SPRN: variants seen among roughly 807,000 people sequenced by gnomAD.
The protein encoded by SPRN is hypothetical protein BC004409.
For missense variants in SPRN, 312 were observed against 241.4 expected, an observed-to-expected ratio of 1.29 and a Z score of -1.94; for synonymous variants, 182 against 123.4, an observed-to-expected ratio of 1.48 and a Z score of -3.15.
rs1489238008 is a variant in SPRN at position 133,423,397 on chromosome 10, G to C, written c.285C>G (p.Pro95=). The C allele has an allele frequency of 8.0e-6, 12 of 1,491,164 alleles. No individual in the cohort carries two copies. Among genetic ancestry groups the C allele is most frequent in the Non-Finnish European group, 1.1e-5 (12 of 1,125,358 alleles). 92.4% of individuals were successfully genotyped at this position (1,491,164 alleles called of 1,614,324 possible). A position where few individuals can be genotyped will look rare whatever the true frequency, so the allele number is the denominator to read the frequency against. ...CCTCGTCCTCCAGGCCGCGTTCCCC[G>C]GGTCCCGCGGCCCTTCTCCAGCCCG... The part of the protein sequence containing the change: ...AGSGWRRAAG[P]GERGLEDEED... The change falls in exon 2 of 2, where the codon CCC becomes CCG. Residue 95 remains proline (P), a synonymous_variant. Coordinates refer to ENST00000685335, the MANE Select transcript of SPRN (RefSeq NM_001391974.1).
rs1256416641 is a variant in SPRN, at chr10:133,423,261, C to A, written c.421G>T (p.Gly141Cys). 6.0e-6 allele frequency: 9 copies of A among 1,492,814 alleles called. No homozygotes were observed. The highest frequency in any genetic ancestry group is 8.0e-6 in the Non-Finnish European group (9 of 1,124,178). 92.5% of individuals were successfully genotyped at this position (1,492,814 alleles called of 1,614,324 possible). A position where few individuals can be genotyped will look rare whatever the true frequency, so the allele number is the denominator to read the frequency against. The change falls in exon 2 of 2, where the codon GGC (glycine) becomes TGC (cysteine). Residue 141 changes from glycine (G) to cysteine (C), a missense_variant. Coordinates refer to ENST00000685335, the MANE Select transcript of SPRN (RefSeq NM_001391974.1). ...RGPRLCLVLG[G>C]ALGALGLLRP The stretch of plus-strand genomic sequence containing the variant: ...AGCAGCCCCAGGGCTCCGAGGGCGC[C>A]GCCCAGCACGAGACAGAGACGCGGG...
rs894843983 is a variant in SPRN, at chr10:133,423,283, C to T, written c.399G>A (p.Pro133=). 3.1e-5 allele frequency: 47 copies of T among 1,516,538 alleles called. No homozygotes were observed. The highest frequency in any genetic ancestry group is 1.8e-4 in the Middle Eastern group (1 of 5,624). The allele number at this position is 1,516,538 out of a possible 1,614,324, so 93.9% of individuals were successfully genotyped here. ...CGCCGCCCAGCACGAGACAGAGACG[C>T]GGGCCGCGCGTGGGTCCAGCGCCCG... ...WTSGAGPTRG[P]RLCLVLGGAL... Residue 133 remains proline (P), a synonymous_variant, in exon 2 of 2, where the codon CCG becomes CCA. Transcript: ENST00000685335.
At position 133,423,357 on chromosome 10, in the gene SPRN, C is replaced by T. The variant is rs1850292555; in HGVS notation, c.325G>A (p.Gly109Arg). Residue 109 changes from glycine to arginine, a missense_variant, in exon 2 of 2, where the codon GGA (glycine) becomes AGA (arginine). Coordinates refer to ENST00000685335, the MANE Select transcript of SPRN (RefSeq NM_001391974.1). The stretch of plus-strand genomic sequence containing the variant: ...ATGCCGGGGCCTGTCCCGTTGCCTC[C>T]GGGCACCCCGTCCTCCTCGTCCTCC... ...GLEDEEDGVP[G>R]GNGTGPGIYS... The T allele has an allele frequency of 6.6e-6, 10 of 1,514,714 alleles. No homozygotes were observed. Among genetic ancestry groups the T allele is most frequent in the South Asian group, 3.7e-5 (3 of 81,482 alleles). 93.8% of individuals were successfully genotyped at this position (1,514,714 alleles called of 1,614,324 possible).
At position 133,422,123 on chromosome 10, in the gene SPRN, AT is replaced by A. The variant is rs1850252337; in HGVS notation, c.*1102del. On this transcript the variant is annotated 3_prime_UTR_variant, in exon 2 of 2. Transcript: ENST00000685335. ...CACTCCATGTCTCTCCTGTCCTTGG[AT>A]GTTGGGGGGCTCAGCCTCTTGCATG... 2 of 152,852 alleles carry A rather than the reference AT, an allele frequency of 1.3e-5. No individual in the cohort carries two copies. The highest frequency in any genetic ancestry group is 4.8e-5 in the African/African-American group (2 of 41,512). 9.5% of individuals were successfully genotyped at this position (152,852 alleles called of 1,614,324 possible). A position where few individuals can be genotyped will look rare whatever the true frequency, so the allele number is the denominator to read the frequency against.
chr10:133,422,891 T>A lies in SPRN; in HGVS notation c.*335A>T. 1 of 235,400 alleles carries A rather than the reference T, an allele frequency of 4.2e-6. No individual in the cohort carries two copies. Among genetic ancestry groups the A allele is most frequent in the Non-Finnish European group, 8.2e-6 (1 of 122,252 alleles). The allele number at this position is 235,400 out of a possible 1,614,324, so 14.6% of individuals were successfully genotyped here. A position where few individuals can be genotyped will look rare whatever the true frequency, so the allele number is the denominator to read the frequency against. ...GGCAGGCGAGGGGAGCCGGGGTGGC[T>A]TGGGTTCCTGGCCTTGGCACCTCCC... On this transcript the variant is annotated 3_prime_UTR_variant, in exon 2 of 2. Transcript: ENST00000685335.
At position 133,423,209 on chromosome 10, in the gene SPRN, C is replaced by G; in HGVS notation, c.*17G>C. The G allele has an allele frequency of 7.1e-7, 1 of 1,406,236 alleles. No homozygotes were observed. The highest frequency in any genetic ancestry group is 2.7e-5 in the Admixed American group (1 of 37,068). 87.1% of individuals were successfully genotyped at this position (1,406,236 alleles called of 1,614,324 possible). A position where few individuals can be genotyped will look rare whatever the true frequency, so the allele number is the denominator to read the frequency against. Reference sequence around the variant, plus strand: ...CGCGGGCCGGGGGCCAGATGTGGTCCCCGAGCCCAGCCAGGCCTAGGGCCG... The same window carrying G: ...CGCGGGCCGGGGGCCAGATGTGGTCGCCGAGCCCAGCCAGGCCTAGGGCCG... On this transcript the variant is annotated 3_prime_UTR_variant, in exon 2 of 2. Coordinates refer to ENST00000685335, the MANE Select transcript of SPRN (RefSeq NM_001391974.1).
Position 133,421,856 on chromosome 10 carries a change from C to G in SPRN, c.*1370G>C, listed in dbSNP as rs769337866. Reference sequence around the variant, plus strand: ...AGGAGGGATGCAGTCCGGCTGAGGGCGAGGCTGTCCCCAGGACATGGAGAG... The same window carrying G: ...AGGAGGGATGCAGTCCGGCTGAGGGGGAGGCTGTCCCCAGGACATGGAGAG... On this transcript the variant is annotated 3_prime_UTR_variant, in exon 2 of 2. Transcript: ENST00000685335. The G allele has an allele frequency of 6.8e-6, 1 of 147,050 alleles. No individual in the cohort carries two copies. The highest frequency in any genetic ancestry group is 2.2e-4 in the South Asian group (1 of 4,618). 9.1% of individuals were successfully genotyped at this position (147,050 alleles called of 1,614,324 possible). A position where few individuals can be genotyped will look rare whatever the true frequency, so the allele number is the denominator to read the frequency against.
rs755063899 is a variant in SPRN, at chr10:133,423,689, G to T, written c.-8C>A. ...TGCGGGTGCCCAGTTCATCTTCGTG[G>T]GGCTAAACCTGCGGGAAGAGAGGGA... is the stretch of plus-strand genomic sequence containing the variant. On this transcript the variant is annotated 5_prime_UTR_variant, in exon 2 of 2. Transcript: ENST00000685335. 1 of 1,569,620 alleles carries T rather than the reference G, an allele frequency of 6.4e-7. No individual in the cohort carries two copies. The highest frequency in any genetic ancestry group is 8.6e-7 in the Non-Finnish European group (1 of 1,158,074).
rs116815690 is a variant in SPRN at position 133,422,276 on chromosome 10, C to G, written c.*950G>C. 2.6e-5 allele frequency: 4 copies of G among 152,478 alleles called. No homozygotes were observed. The highest frequency in any genetic ancestry group is 4.1e-4 in the South Asian group (2 of 4,832). The allele number at this position is 152,478 out of a possible 1,614,324, so 9.4% of individuals were successfully genotyped here. A position where few individuals can be genotyped will look rare whatever the true frequency, so the allele number is the denominator to read the frequency against. On this transcript the variant is annotated 3_prime_UTR_variant, in exon 2 of 2. Coordinates refer to ENST00000685335, the MANE Select transcript of SPRN (RefSeq NM_001391974.1). ...CCACGCGGATACCCAGGCCCTGTTC[C>G]GAGGCCTGGAACAGCTGCTTCCGAA...
At position 133,420,707 on chromosome 10, in the gene SPRN, G is replaced by A. The variant is rs1435254576; in HGVS notation, c.*2519C>T. On this transcript the variant is annotated 3_prime_UTR_variant, in exon 2 of 2. Coordinates refer to ENST00000685335, the MANE Select transcript of SPRN (RefSeq NM_001391974.1). ...TATTTCACACTTACAGGCACACACA[G>A]ACACAGACCAGAGACTCCCAGCAGC... 1 of 152,824 alleles carries A rather than the reference G, an allele frequency of 6.5e-6. No homozygotes were observed. The highest frequency in any genetic ancestry group is 1.9e-4 in the East Asian group (1 of 5,208). The allele number at this position is 152,824 out of a possible 1,614,324, so 9.5% of individuals were successfully genotyped here. A position where few individuals can be genotyped will look rare whatever the true frequency, so the allele number is the denominator to read the frequency against.
rs1850300074 is a variant in SPRN at position 133,423,526 on chromosome 10, C to T, written c.156G>A (p.Arg52=). The change falls in exon 2 of 2, where the codon AGG becomes AGA. Residue 52 remains arginine, a synonymous_variant. Transcript: ENST00000685335. ...GARGASRVRV[R]PAQRYGAPGS... is the part of the protein sequence containing the mutation. ...CCGGGGCACCGTAGCGCTGCGCCGG[C>T]CTCACGCGCACCCTCGAGGCCCCGC... 1 of 1,201,030 alleles carries T rather than the reference C, an allele frequency of 8.3e-7. No individual in the cohort carries two copies. Among genetic ancestry groups the T allele is most frequent in the Non-Finnish European group, 1.0e-6 (1 of 970,066 alleles). The allele number at this position is 1,201,030 out of a possible 1,614,324, so 74.4% of individuals were successfully genotyped here. A position where few individuals can be genotyped will look rare whatever the true frequency, so the allele number is the denominator to read the frequency against.
chr10:133,423,490 C>T lies in SPRN; in HGVS notation c.192G>A (p.Leu64=), dbSNP rs1850298766. The T allele has an allele frequency of 1.7e-6, 2 of 1,162,966 alleles. No individual in the cohort carries two copies. The highest frequency in any genetic ancestry group is 2.1e-6 in the Non-Finnish European group (2 of 948,024). 72.0% of individuals were successfully genotyped at this position (1,162,966 alleles called of 1,614,324 possible). The part of the protein sequence containing the change: ...AQRYGAPGSS[L]RVAAAGAAAG... ...CTGCCGCCCCGGCGGCAGCCACGCG[C>T]AGGGAGGAGCCCGGGGCACCGTAGC... Residue 64 remains leucine (L), a synonymous_variant, in exon 2 of 2, where the codon CTG becomes CTA. Coordinates refer to ENST00000685335, the MANE Select transcript of SPRN (RefSeq NM_001391974.1).
chr10:133,423,085 G>A lies in SPRN; in HGVS notation c.*141C>T. On this transcript the variant is annotated 3_prime_UTR_variant, in exon 2 of 2. Coordinates refer to ENST00000685335, the MANE Select transcript of SPRN (RefSeq NM_001391974.1). Reference sequence around the variant, plus strand: ...GCGTGGGCAGGACGGTGGATGGCGGGTCCACAGGGACAGCCAGCAGCTCCT... The same window carrying A: ...GCGTGGGCAGGACGGTGGATGGCGGATCCACAGGGACAGCCAGCAGCTCCT... The A allele has an allele frequency of 1.1e-6, 1 of 905,152 alleles. No homozygotes were observed. The highest frequency in any genetic ancestry group is 1.6e-6 in the Non-Finnish European group (1 of 617,318). The allele number at this position is 905,152 out of a possible 1,614,324, so 56.1% of individuals were successfully genotyped here. A position where few individuals can be genotyped will look rare whatever the true frequency, so the allele number is the denominator to read the frequency against.
chr10:133,423,989 G>T (rs1358573069), intron 1 of SPRN, among the ~76,000 whole-genome samples: 8 of 55,290 alleles, frequency 1.4e-4, no homozygotes, highest in South Asian at 6.7e-4. Context: ...CAGGCCTCTG[G>T]GGGCGTCCAG....
Position 133,422,688 on chromosome 10 carries a change from A to C in SPRN, c.*538T>G, listed in dbSNP as rs1007749272. The C allele has an allele frequency of 2.0e-5, 3 of 152,342 alleles. No homozygotes were observed. The highest frequency in any genetic ancestry group is 6.5e-5 in the Admixed American group (1 of 15,280). The allele number at this position is 152,342 out of a possible 1,614,324, so 9.4% of individuals were successfully genotyped here. ...TGCTTGGGAATGTTCCTGGGCTGTG[A>C]GATCCACTCTTCTGGGCAGGTGGTT... On this transcript the variant is annotated 3_prime_UTR_variant, in exon 2 of 2. Transcript: ENST00000685335.
chr10:133,423,847 G>T (rs1452915307), intron 1 of SPRN, 150 bp from the exon 2 acceptor site: 445 of 504,330 alleles, frequency 8.8e-4, no homozygotes, highest in African/African-American at 8.3e-3. Context: ...GCCTGGGGGG[G>T]CGCGGTTTAA....
rs144143522 is a variant in SPRN at position 133,422,738 on chromosome 10, TC to T, written c.*487del. 0.019 allele frequency: 2,851 copies of T among 152,992 alleles called. 87 individuals are homozygous for T. Among genetic ancestry groups the T allele is most frequent in the African/African-American group, 0.065 (2,707 of 41,556 alleles). 9.5% of individuals were successfully genotyped at this position (152,992 alleles called of 1,614,324 possible). On this transcript the variant is annotated 3_prime_UTR_variant, in exon 2 of 2. Coordinates refer to ENST00000685335, the MANE Select transcript of SPRN (RefSeq NM_001391974.1). ...TAGCACCTAACGTTTTTCCCTCACT[TC>T]CCCCCAAATTCTTAAGTCCTTTGGT...
In SPRN at chr10:133,421,124, CCAGGGCCCTGGTGCT is replaced by C. The variant is rs1293612468; in HGVS notation, c.*2087_*2101del. On this transcript the variant is annotated 3_prime_UTR_variant, in exon 2 of 2. Coordinates refer to ENST00000685335, the MANE Select transcript of SPRN (RefSeq NM_001391974.1). ...CCTGACCGTCCCACAGCAGCCTCCACCAGGGCCCTGGTGCTCAGTGGCCCCTCTTTGCTGGCTGGC... is the reference window on the plus strand; with the variant it reads ...CCTGACCGTCCCACAGCAGCCTCCACCAGTGGCCCCTCTTTGCTGGCTGGC... 6.6e-6 allele frequency: 1 copy of C among 152,442 alleles called. No individual in the cohort carries two copies. The highest frequency in any genetic ancestry group is 2.4e-5 in the African/African-American group (1 of 41,444). 9.4% of individuals were successfully genotyped at this position (152,442 alleles called of 1,614,324 possible). A position where few individuals can be genotyped will look rare whatever the true frequency, so the allele number is the denominator to read the frequency against.
Position 133,420,962 on chromosome 10 carries a change from G to A in SPRN, c.*2264C>T, listed in dbSNP as rs981419234. 2.0e-5 allele frequency: 3 copies of A among 152,422 alleles called. No homozygotes were observed. The highest frequency in any genetic ancestry group is 4.4e-5 in the Non-Finnish European group (3 of 68,152). The allele number at this position is 152,422 out of a possible 1,614,324, so 9.4% of individuals were successfully genotyped here. ...CCAGCCCCATTATAGTGCACCTGAA[G>A]GGGTCCACAGCCTGTGTCCTAGAAG... On this transcript the variant is annotated 3_prime_UTR_variant, in exon 2 of 2. Transcript: ENST00000685335.
Sources: gnomAD v4.1 joint callset for allele counts (sites outside exome capture counted in the v4.1 genomes callset) on GRCh38, gnomAD v4.1.1 for gene constraint, MANE v1.5 for transcripts, NCBI Gene and HGNC (gene_info 2026-07-23, HGNC 2026-07-21) for gene names.